Variants in BBS9 observed in about 807,000 individuals in gnomAD.
BBS9 encodes Bardet-Biedl syndrome 9, also known as protein PTHB1.
A neutral mutation model predicts 117.7 loss-of-function variants in BBS9; 89 were observed. The ratio of observed to expected loss-of-function variants is 0.76; its 90% CI spans 0.64 to 0.90. BBS9 has a LOEUF of 0.90. Ranked by LOEUF, BBS9 falls within the 40% of genes least tolerant of loss-of-function variation. The pLI is 0.00. For synonymous variants in BBS9, 379 were observed against 370.9 expected (o/e 1.02, Z -0.25); for missense variants, 982 against 1,042.2 (o/e 0.94, Z 0.80).
chr7:33,212,052 C>A (rs1045231461), intron 5 of BBS9, among the ~76,000 whole-genome samples: 2 of 152,128 alleles, frequency 1.3e-5, no homozygotes, highest in African/African-American at 4.8e-5. Flanking sequence ...TTGAGAAAGT[C>A]TTAATTAGGT....
At chr7:33,342,705 A>G (rs901530258) in intron 11 of BBS9, among the ~76,000 whole-genome samples, 2 of 152,132 alleles carry the variant, frequency 1.3e-5, no homozygotes, top group Non-Finnish European at 2.9e-5. Context: ...CTTTGGTGCC[A>G]TGACGTCTTC....
At chr7:33,415,641 G>A (rs1051507331) in intron 19 of BBS9, among the ~76,000 whole-genome samples, 16 of 152,130 alleles carry the variant, frequency 1.1e-4, no homozygotes, top group Non-Finnish European at 2.1e-4. Flanking sequence ...GGGCTTTGAG[G>A]CTGCTAAGTT....
intron 19 of BBS9, among the ~76,000 whole-genome samples, chr7:33,493,650 G>A (rs1284558830): frequency 1.3e-5 from 2 of 152,166 alleles, no homozygotes; most frequent in Non-Finnish European, 1.5e-5. Flanking sequence ...CCACCTTTCT[G>A]GAAAGGTTCC....
chr7:33,324,932 G>T (rs1812539489), intron 9 of BBS9, among the ~76,000 whole-genome samples: 1 of 152,026 alleles, frequency 6.6e-6, no homozygotes, highest in Non-Finnish European at 1.5e-5. Flanking sequence ...TTTGGAGTTT[G>T]ATTATTAATG....
chr7:33,555,747 A>C (rs1008352523), intron 21 of BBS9, among the ~76,000 whole-genome samples: 1 of 152,186 alleles, frequency 6.6e-6, no homozygotes, highest in Non-Finnish European at 1.5e-5. Flanking sequence ...TTTGAGGGAG[A>C]CAGATCATCA....
chr7:33,209,685 T>C (rs993257436), intron 5 of BBS9, among the ~76,000 whole-genome samples: 3 of 152,224 alleles, frequency 2.0e-5, no homozygotes, highest in African/African-American at 7.2e-5. Context: ...TGGCATATAG[T>C]TGCTCATAGT....
chr7:33,552,645 T>C (rs1283726905), intron 21 of BBS9, among the ~76,000 whole-genome samples: 1 of 152,212 alleles, frequency 6.6e-6, no homozygotes. Flanking sequence ...TTGTTTCTAA[T>C]TGATTTCGTA....
chr7:33,486,699 T>A (rs952102095), intron 19 of BBS9, among the ~76,000 whole-genome samples: 1 of 152,150 alleles, frequency 6.6e-6, no homozygotes, highest in Non-Finnish European at 1.5e-5. Flanking sequence ...TTCTTGTTAG[T>A]GTTGTTGTTT....
intron 5 of BBS9, among the ~76,000 whole-genome samples, chr7:33,234,759 AT>A (rs1417765013): frequency 6.6e-6 from 1 of 151,956 alleles, no homozygotes; most frequent in Non-Finnish European, 1.5e-5. Flanking sequence ...GTGTGTATAT[AT>A]GAATATTTGA....
chr7:33,496,085 A>G (rs759326503), intron 19 of BBS9, among the ~76,000 whole-genome samples: 8 of 152,326 alleles, frequency 5.3e-5, no homozygotes, highest in African/African-American at 1.7e-4. Context: ...TCGAAGGATC[A>G]GGTGGTTTAG....
At chr7:33,438,471 A>C (rs549102391) in intron 19 of BBS9, among the ~76,000 whole-genome samples, 9 of 152,254 alleles carry the variant, frequency 5.9e-5, no homozygotes, top group Non-Finnish European at 1.0e-4. Flanking sequence ...CGGGTCCAGT[A>C]GAAAAATTAG....
intron 9 of BBS9, among the ~76,000 whole-genome samples, chr7:33,321,420 A>G (rs1286617297): frequency 1.3e-5 from 2 of 151,858 alleles, no homozygotes; most frequent in Admixed American, 6.6e-5. Context: ...AAAGTGTTTT[A>G]TAGTTTTCAT....
At chr7:33,177,024 A>G (rs888657887) in intron 4 of BBS9, among the ~76,000 whole-genome samples, 1 of 152,184 alleles carries the variant, frequency 6.6e-6, no homozygotes, top group Non-Finnish European at 1.5e-5. Context: ...GAATATAATT[A>G]GGGGCTTGAA....
At chr7:33,180,628 T>C (rs1797960745) in intron 5 of BBS9, among the ~76,000 whole-genome samples, 1 of 152,206 alleles carries the variant, frequency 6.6e-6, no homozygotes, top group Non-Finnish European at 1.5e-5. Flanking sequence ...GTGCTAGGAT[T>C]ACAGGCGTGA....
At chr7:33,296,914 A>G (rs1562954571) in intron 9 of BBS9, among the ~76,000 whole-genome samples, 1 of 152,162 alleles carries the variant, frequency 6.6e-6, no homozygotes, top group African/African-American at 2.4e-5. Context: ...GAAAAGGTTT[A>G]GGTGCCAGTA....
chr7:33,457,354 CTCTTAA>C (rs1838797498), intron 19 of BBS9, among the ~76,000 whole-genome samples: 1 of 152,148 alleles, frequency 6.6e-6, no homozygotes, highest in Admixed American at 6.6e-5. Context: ...CAAAACTAGT[CTCTTAA>C]TATTGAGAAA....
chr7:33,512,657 T>C (rs182796320), intron 20 of BBS9, among the ~76,000 whole-genome samples: 1 of 152,366 alleles, frequency 6.6e-6, no homozygotes, highest in Admixed American at 6.5e-5. Flanking sequence ...TTGAGTCTGC[T>C]AATTACAAAG....
At chr7:33,300,547 T>C (rs1806176639) in intron 9 of BBS9, among the ~76,000 whole-genome samples, 1 of 152,150 alleles carries the variant, frequency 6.6e-6, no homozygotes, top group Non-Finnish European at 1.5e-5. Flanking sequence ...CAAGGCTCTT[T>C]CCTTGCAGTT....
intron 5 of BBS9, among the ~76,000 whole-genome samples, chr7:33,215,493 C>A (rs1788881052): frequency 1.3e-5 from 2 of 152,074 alleles, no homozygotes; most frequent in African/African-American, 2.4e-5. Flanking sequence ...ATATTCAAAT[C>A]AAAATGGATT....
Sources: allele counts gnomAD v4.1 joint callset (sites outside exome capture counted in the v4.1 genomes callset), GRCh38; gene constraint gnomAD v4.1.1; transcripts MANE v1.5; gene names NCBI Gene and HGNC (gene_info 2026-07-23, HGNC 2026-07-21).